RHBDL3: variants seen among roughly 807,000 people sequenced by gnomAD.
The protein encoded by RHBDL3 is rhomboid like 3, also known as rhomboid-related protein 3.
Under a neutral mutation model 48.2 loss-of-function variants are expected in RHBDL3, and 28 were observed. The ratio of observed to expected loss-of-function variants is 0.58; its 90% CI spans 0.43 to 0.80. The LOEUF is 0.80. Among genes scored for constraint, RHBDL3 ranks in the 30% least tolerant of loss-of-function variants. The pLI, the probability that RHBDL3 is intolerant of heterozygous loss-of-function variation, is 0.00. For missense variants in RHBDL3, 464 were observed against 542.7 expected, an observed-to-expected ratio of 0.85 and a Z score of 1.44; for synonymous variants, 208 against 232.3, an observed-to-expected ratio of 0.90 and a Z score of 0.95.
At position 32,297,864 on chromosome 17, in the gene RHBDL3, G is replaced by A. The variant is rs142463281; in HGVS notation, c.669-228G>A. On this transcript the variant is annotated intron_variant, in intron 5 of 8. Transcript: ENST00000269051. ...TGCCAAGTGAAATGCTGCCAGTCAC[G>A]CCCAGGCCTTGCACATCTGTTCCTG... 4.1e-3 allele frequency among the ~76,000 whole-genome samples: 623 copies of A among 151,712 alleles called. 2 individuals are homozygous for A. Among genetic ancestry groups the A allele is most frequent in the African/African-American group, 0.014 (583 of 41,320 alleles).
intron 8 of RHBDL3, 37 bp from the exon 9 acceptor site, chr17:32,320,921 C>T (rs146538662): frequency 0.012 from 18,699 of 1,526,846 alleles, 155 homozygotes; most frequent in Non-Finnish European, 0.015. Context: ...CTGCTCAGGG[C>T]CCTCCTGTGA....
chr17:32,317,868 CCAAAGGG>C (rs2041013601), intron 8 of RHBDL3, among the ~76,000 whole-genome samples: 1 of 151,998 alleles, frequency 6.6e-6, no homozygotes, highest in Non-Finnish European at 1.5e-5. Flanking sequence ...AGACCAAAGG[CCAAAGGG>C]CTCTTTCTGA....
intron 2 of RHBDL3, among the ~76,000 whole-genome samples, chr17:32,268,616 C>A (rs2039692806): frequency 6.6e-6 from 1 of 152,074 alleles, no homozygotes; most frequent in Non-Finnish European, 1.5e-5. Context: ...CCCTCTTTGC[C>A]CCATGTTGGA....
chr17:32,286,120 A>T (rs955404906), intron 3 of RHBDL3, among the ~76,000 whole-genome samples: 5 of 151,828 alleles, frequency 3.3e-5, no homozygotes, highest in African/African-American at 1.2e-4. Flanking sequence ...GTGACTTGGA[A>T]CCCAGCAGTG....
At chr17:32,307,841 C>G (rs533431116) in intron 7 of RHBDL3, among the ~76,000 whole-genome samples, 9 of 152,278 alleles carry the variant, frequency 5.9e-5, no homozygotes, top group East Asian at 1.9e-4. Flanking sequence ...TCCACTCCCC[C>G]CTCCCCCTGC....
chr17:32,286,696 A>T (rs1032889452), intron 3 of RHBDL3, among the ~76,000 whole-genome samples: 2 of 152,030 alleles, frequency 1.3e-5, no homozygotes, highest in African/African-American at 4.8e-5. Flanking sequence ...CCTTTTTCAG[A>T]GCTCCCACAG....
intron 2 of RHBDL3, 123 bp downstream of exon 2, chr17:32,268,048 GCTTTGTGCATCTCTAGGGCTGA>G: frequency 1.3e-6 from 1 of 793,506 alleles, no homozygotes; most frequent in East Asian, 2.4e-5. Flanking sequence ...TGGGGGTGTG[GCTTTGTGCATCTCTAGGGCTGA>G]ACGACACTGC....
rs958661710 is a variant in RHBDL3, at chr17:32,285,117, GGAGGGAGGGAGGGAGAGAGA to G, written c.294+315_294+334del. Among the ~76,000 whole-genome samples, 94 of 151,324 alleles carry G rather than the reference GGAGGGAGGGAGGGAGAGAGA, an allele frequency of 6.2e-4. 1 individual carries two copies. The highest frequency in any genetic ancestry group is 2.2e-3 in the African/African-American group (89 of 40,818). ...ACCCTCAGGCTGCACCTTGCAGAAGGGAGGGAGGGAGGGAGAGAGAGAGGGAGGGAGGGATGGAGGGAAGG... is the reference window on the plus strand; with the variant it reads ...ACCCTCAGGCTGCACCTTGCAGAAGGGAGGGAGGGAGGGATGGAGGGAAGG... On this transcript the variant is annotated intron_variant, in intron 3 of 8. Coordinates refer to ENST00000269051, the MANE Select transcript of RHBDL3 (RefSeq NM_138328.3).
chr17:32,286,807 A>G (rs555692960), intron 3 of RHBDL3, among the ~76,000 whole-genome samples: 4 of 152,302 alleles, frequency 2.6e-5, no homozygotes, highest in South Asian at 4.1e-4. Flanking sequence ...ATACTGTACA[A>G]TGGTGCCTAG....
chr17:32,294,852 A>G (rs1306172097), intron 5 of RHBDL3, among the ~76,000 whole-genome samples: 1 of 152,170 alleles, frequency 6.6e-6, no homozygotes, highest in Non-Finnish European at 1.5e-5. Flanking sequence ...TGTGGTCTCC[A>G]TATATAGAGA....
chr17:32,316,115 C>A, intron 7 of RHBDL3, 117 bp from the exon 8 acceptor site: 2 of 744,268 alleles, frequency 2.7e-6, no homozygotes, highest in Non-Finnish European at 2.4e-6. Flanking sequence ...TAAGCCACAA[C>A]CCTCTCATTC....
At position 32,266,251 on chromosome 17, in the gene RHBDL3, A is replaced by G. The variant is rs1597598854; in HGVS notation, c.62A>G (p.Glu21Gly). The G allele has an allele frequency of 6.8e-7, 1 of 1,463,414 alleles. No individual in the cohort carries two copies. Among genetic ancestry groups the G allele is most frequent in the Middle Eastern group, 2.4e-4 (1 of 4,160 alleles). 90.7% of individuals were successfully genotyped at this position (1,463,414 alleles called of 1,614,324 possible). The change falls in exon 1 of 9, where the codon GAG (glutamate) becomes GGG (glycine). Residue 21 changes from glutamate (E) to glycine (G), a missense_variant. By Grantham distance (98) the Glu-to-Gly change is moderately conservative (BLOSUM62 -2). Coordinates refer to ENST00000269051, the MANE Select transcript of RHBDL3 (RefSeq NM_138328.3). ...GCCTGCGCCGAGGCGGAGCGCATCG[A>G]GGAGCTGGAACCCGAGGCCGAGGAG... ...VAACAEAERI[E>G]ELEPEAEERL...
intron 2 of RHBDL3, among the ~76,000 whole-genome samples, chr17:32,269,583 C>T (rs138529095): frequency 9.2e-5 from 14 of 152,314 alleles, no homozygotes; most frequent in South Asian, 2.1e-4. Context: ...CCTGTCCTGA[C>T]GGGTAGAGCA....
chr17:32,318,388 GC>G, intron 8 of RHBDL3, among the ~76,000 whole-genome samples: 1 of 104,354 alleles, frequency 9.6e-6, no homozygotes, highest in Non-Finnish European at 2.0e-5. Flanking sequence ...TGTACTCCCA[GC>G]ACTTTGAGAG....
intron 2 of RHBDL3, among the ~76,000 whole-genome samples, chr17:32,283,197 C>T (rs994561489): frequency 5.9e-5 from 9 of 151,734 alleles, no homozygotes; most frequent in African/African-American, 1.7e-4. Flanking sequence ...AAGCTCCTGG[C>T]GTCCAGGAGA....
chr17:32,321,803 C>CGGGGCATGATCTGTT lies in RHBDL3; in HGVS notation c.*576_*590dup, dbSNP rs2041140595. 1 of 196,250 alleles carries CGGGGCATGATCTGTT rather than the reference C, an allele frequency of 5.1e-6. No homozygotes were observed. The allele number at this position is 196,250 out of a possible 1,614,324, so 12.2% of individuals were successfully genotyped here. On this transcript the variant is annotated 3_prime_UTR_variant, in exon 9 of 9. Coordinates refer to ENST00000269051, the MANE Select transcript of RHBDL3 (RefSeq NM_138328.3). ...CCCTCCTGGGCTGGTTGGTGTGCAC[C>CGGGGCATGATCTGTT]GGGGCATGATCTGTTGTGCCTGGGT...
In RHBDL3 at chr17:32,294,344, G is replaced by C; in HGVS notation, c.570G>C (p.Gln190His). ...TGTCACTAGGTCAATTTGTACTGCA[G>C]GTAACTCATCCACGTTACTTGAAGA... ...NGVSLGQFVL[Q>H]VTHPRYLKNS... Residue 190 changes from glutamine (Q) to histidine (H), a missense_variant, in exon 5 of 9, where the codon CAG (glutamine) becomes CAC (histidine). Physicochemically the swap from Gln to His is conservative, Grantham distance 24. Transcript: ENST00000269051. The C allele has an allele frequency of 1.2e-6, 2 of 1,613,766 alleles. No homozygotes were observed. The highest frequency in any genetic ancestry group is 1.7e-6 in the Non-Finnish European group (2 of 1,179,782).
chr17:32,294,405 G>A lies in RHBDL3; in HGVS notation c.631G>A (p.Val211Ile), dbSNP rs2150724943. The A allele has an allele frequency of 6.2e-7, 1 of 1,614,178 alleles. No individual in the cohort carries two copies. The highest frequency in any genetic ancestry group is 8.5e-7 in the Non-Finnish European group (1 of 1,180,022). ...TTACCACCCACAGCTGCGAGCACAG[G>A]TTTGGCGCTACCTGACATACATCTT... ...LVYHPQLRAQ[V>I]WRYLTYIFMH... Residue 211 changes from valine to isoleucine, a missense_variant, in exon 5 of 9, where the codon GTT becomes ATT. Physicochemically the swap from Val to Ile is conservative, Grantham distance 29. Transcript: ENST00000269051.
rs2041119179 is a variant in RHBDL3 at position 32,321,076 on chromosome 17, C to T, written c.1062C>T (p.Gly354=). Residue 354 remains glycine (G), a synonymous_variant, in exon 9 of 9, where the codon GGC becomes GGT. Coordinates refer to ENST00000269051, the MANE Select transcript of RHBDL3 (RefSeq NM_138328.3). ...LGGVAVGITL[G]VVVLRNYEQR... ...GCGTGGCCGTGGGCATCACCCTGGG[C>T]GTGGTGGTCCTGAGGAACTACGAGC... The T allele has an allele frequency of 1.9e-6, 3 of 1,614,214 alleles. No individual in the cohort carries two copies. Among genetic ancestry groups the T allele is most frequent in the African/African-American group, 1.3e-5 (1 of 75,074 alleles).
Sources: allele counts gnomAD v4.1 joint callset (sites outside exome capture counted in the v4.1 genomes callset), GRCh38; gene constraint gnomAD v4.1.1; transcripts MANE v1.5; gene names NCBI Gene and HGNC (gene_info 2026-07-23, HGNC 2026-07-21).